The following ABCA10 variants were observed in gnomAD, a reference collection of about 807,000 sequenced individuals.
ABCA10 encodes ATP binding cassette subfamily A member 10.
ABCA10 carries 169 observed loss-of-function variants against 187.5 expected under a neutral mutation model. That is an observed-to-expected ratio of 0.90 (90% CI 0.80 to 1.02). ABCA10 has a LOEUF of 1.02. Ranked by LOEUF, ABCA10 falls within the 50% of genes least tolerant of loss-of-function variation. ABCA10 has a pLI of 0.00. For missense variants in ABCA10, 1,727 were observed against 1,812.4 expected (o/e 0.95, Z 0.86); for synonymous variants, 574 against 601.8 (o/e 0.95, Z 0.68).
rs184351236 is a variant in ABCA10, at chr17:69,150,053, A to G, written c.4408T>C (p.Leu1470=). ...TCCACAGGTAACTTATACGCCATTA[A>G]AGAGGAATATCTGTCAGGAAGAAGA... ...QAAWQERYSS[L]MAYKLPVEDV... is the part of the protein sequence containing the mutation. The change falls in exon 37 of 39, where the codon TTA becomes CTA. Residue 1470 remains leucine (L), a synonymous_variant. Transcript: ENST00000690296. The G allele has an allele frequency of 7.9e-5, 128 of 1,611,524 alleles. No homozygotes were observed. Among genetic ancestry groups the G allele is most frequent in the Non-Finnish European group, 9.3e-6 (11 of 1,178,294 alleles).
chr17:69,228,547 G>A (rs1168155407), intron 1 of ABCA10, 34 bp downstream of exon 1: 1 of 151,920 alleles, frequency 6.6e-6, no homozygotes, highest in Admixed American at 6.6e-5. Flanking sequence ...AAAACCTTAT[G>A]CAAAGTGAAA....
intron 1 of ABCA10, among the ~76,000 whole-genome samples, chr17:69,236,798 A>T (rs889662929): frequency 1.7e-4 from 25 of 143,408 alleles, no homozygotes; most frequent in African/African-American, 5.9e-4. Context: ...GTCTTGGGAG[A>T]GTGTGCTACT....
chr17:69,179,450 G>C (rs546933684), intron 22 of ABCA10, among the ~76,000 whole-genome samples: 28 of 152,300 alleles, frequency 1.8e-4, no homozygotes, highest in African/African-American at 6.3e-4. Context: ...ATTCAGCTCT[G>C]TGCAGGGTGA....
At chr17:69,213,349 T>C (rs997510633) in intron 9 of ABCA10, among the ~76,000 whole-genome samples, 2 of 147,894 alleles carry the variant, frequency 1.4e-5, no homozygotes, top group African/African-American at 5.0e-5. Flanking sequence ...GTTAGGCATG[T>C]CTGAGCTCAG....
rs772117276 is a variant in ABCA10, at chr17:69,215,840, A to G, written c.833T>C (p.Phe278Ser). Residue 278 changes from phenylalanine (F) to serine (S), a missense_variant, in exon 8 of 39, where the codon TTT (phenylalanine) becomes TCT (serine). Physicochemically the swap from Phe to Ser is radical, Grantham distance 155 (BLOSUM62 -2). Transcript: ENST00000690296. ...LGWVLSLLSP[F>S]AFTAGMAQIT... ...CTGGGCCATTCCAGCAGTGAAGGCA[A>G]AAGGGCTAAGAAGACTTAATACCCA... is the stretch of plus-strand genomic sequence containing the variant. 6.3e-7 allele frequency: 1 copy of G among 1,594,086 alleles called. No homozygotes were observed.
At chr17:69,195,617 T>C (rs897384451) in intron 11 of ABCA10, among the ~76,000 whole-genome samples, 4 of 133,978 alleles carry the variant, frequency 3.0e-5, no homozygotes, top group Non-Finnish European at 6.2e-5. Flanking sequence ...GAGGGGGATT[T>C]GGCAGGGTCA....
In ABCA10 at chr17:69,192,560, T is replaced by C. The variant is rs746916722; in HGVS notation, c.1871+3A>G. On this transcript the variant is annotated splice_donor_region_variant and intron_variant, in intron 16 of 38. Transcript: ENST00000690296. ...TAAAAATAACTACACCTAGAATACA[T>C]ACCTTAAATGATATCCAATACCCCA... The C allele has an allele frequency of 1.9e-6, 3 of 1,604,988 alleles. No individual in the cohort carries two copies. Among genetic ancestry groups the C allele is most frequent in the Admixed American group, 3.3e-5 (2 of 59,804 alleles).
Position 69,190,442 on chromosome 17 carries a change from C to T in ABCA10, c.2047G>A (p.Gly683Ser). 6.3e-7 allele frequency: 1 copy of T among 1,584,156 alleles called. No homozygotes were observed. Among genetic ancestry groups the T allele is most frequent in the Non-Finnish European group, 8.5e-7 (1 of 1,171,196 alleles). The change falls in exon 18 of 39, where the codon GGC becomes AGC. Residue 683 changes from glycine (G) to serine (S), a missense_variant. By Grantham distance (56) the Gly-to-Ser change is moderately conservative. Transcript: ENST00000690296. ...YSDLDKCSDQ[G>S]IRNYAVSVTS... The stretch of plus-strand genomic sequence containing the variant: ...ACTGAAACAGCATAATTCCTTATGC[C>T]CTGGTCAGAACACTTATCAAGGTCA...
intron 6 of ABCA10, among the ~76,000 whole-genome samples, chr17:69,219,343 A>G (rs771175036): frequency 6.8e-4 from 104 of 152,272 alleles, no homozygotes; most frequent in Middle Eastern, 6.8e-3. Context: ...TGTAATGATC[A>G]CATATTTTTC....
At position 69,153,831 on chromosome 17, in the gene ABCA10, C is replaced by T. The variant is rs72852601; in HGVS notation, c.3965G>A (p.Arg1322Gln). Residue 1322 changes from arginine (R) to glutamine (Q), a missense_variant and splice_region_variant, in exon 32 of 39, where the codon CGA becomes CAA. Physicochemically the swap from Arg to Gln is conservative, Grantham distance 43. Coordinates refer to ENST00000690296, the MANE Select transcript of ABCA10 (RefSeq NM_001377321.1). ...CAAATTGTGAGACTTCTCTCTGTAC[C>T]GTGAAATACTGAGAGCAGCATCTTC... is the stretch of plus-strand genomic sequence containing the variant. ...GKEDAALSIS[R>Q]LVEALKLQEQ... is the part of the protein sequence containing the mutation. 25,650 of 1,611,224 alleles carry T rather than the reference C, an allele frequency of 0.016. 241 individuals are homozygous for T. Among genetic ancestry groups the T allele is most frequent in the Non-Finnish European group, 0.019 (22,775 of 1,178,740 alleles).
intron 27 of ABCA10, among the ~76,000 whole-genome samples, chr17:69,157,397 G>T (rs929385592): frequency 6.6e-6 from 1 of 152,086 alleles, no homozygotes; most frequent in South Asian, 2.1e-4. Flanking sequence ...TCTAATAAAG[G>T]ATGGACCTCA....
At position 69,214,804 on chromosome 17, in the gene ABCA10, G is replaced by C; in HGVS notation, c.906C>G (p.Pro302=). 1 of 1,506,282 alleles carries C rather than the reference G, an allele frequency of 6.6e-7. No individual in the cohort carries two copies. Among genetic ancestry groups the C allele is most frequent in the Non-Finnish European group, 8.8e-7 (1 of 1,132,890 alleles). 93.3% of individuals were successfully genotyped at this position (1,506,282 alleles called of 1,614,324 possible). A position where few individuals can be genotyped will look rare whatever the true frequency, so the allele number is the denominator to read the frequency against. Residue 302 remains proline, a synonymous_variant, in exon 9 of 39, where the codon CCC becomes CCG. Transcript: ENST00000690296. ...CTATCATTTTGTATGAATCCCCAGA[G>C]GGATCAGGAAAAATAACACCACTTA... is the stretch of plus-strand genomic sequence containing the variant. ...NYLSGVIFPD[P]SGDSYKMIAT...
intron 10 of ABCA10, 75 bp downstream of exon 10, chr17:69,201,425 T>A (rs1598112088): frequency 7.9e-7 from 1 of 1,270,254 alleles, no homozygotes; most frequent in South Asian, 2.1e-5. Flanking sequence ...ATAATCTATA[T>A]CAACATTTGA....
chr17:69,217,172 C>T (rs2074712688), intron 6 of ABCA10, among the ~76,000 whole-genome samples: 1 of 151,452 alleles, frequency 6.6e-6, no homozygotes, highest in Admixed American at 6.6e-5. Context: ...ACTTGAACCC[C>T]AGAAGTGGAG....
At chr17:69,178,750 T>A (rs190160748) in intron 22 of ABCA10, among the ~76,000 whole-genome samples, 1 of 152,202 alleles carries the variant, frequency 6.6e-6, no homozygotes, top group African/African-American at 2.4e-5. Flanking sequence ...TGTTTGGTTA[T>A]GCATGAGTAA....
intron 20 of ABCA10, among the ~76,000 whole-genome samples, chr17:69,183,421 A>T (rs2074395511): frequency 6.6e-6 from 1 of 152,150 alleles, no homozygotes; most frequent in African/African-American, 2.4e-5. Context: ...ATCTGAATCA[A>T]CCACCCCCGC....
chr17:69,222,292 C>T lies in ABCA10; in HGVS notation c.199+241G>A, dbSNP rs553449023. ...GGCAGCGGTTCCAGTGAGCCAAGAT[C>T]GCGCCACTGCACTCCAGCCAGGGTG... On this transcript the variant is annotated intron_variant, in intron 4 of 38. Transcript: ENST00000690296. Among the ~76,000 whole-genome samples the T allele has an allele frequency of 2.3e-4, 34 of 150,114 alleles. No individual in the cohort carries two copies. The South Asian group carries it at 3.8e-3, about 17-fold the overall frequency.
chr17:69,193,355 C>G, intron 14 of ABCA10, 107 bp from the exon 15 acceptor site: 1 of 1,519,576 alleles, frequency 6.6e-7, no homozygotes, highest in Non-Finnish European at 8.8e-7. Context: ...AGTCCTCCAC[C>G]AGATCCCTAA....
intron 10 of ABCA10, among the ~76,000 whole-genome samples, chr17:69,199,786 A>G (rs147421091): frequency 7.9e-4 from 120 of 152,352 alleles, no homozygotes; most frequent in Middle Eastern, 3.4e-3. Context: ...TTTCGGCCTG[A>G]CAAAAGAGGA....
Sources: allele counts gnomAD v4.1 joint callset (sites outside exome capture counted in the v4.1 genomes callset), GRCh38; gene constraint gnomAD v4.1.1; transcripts MANE v1.5; gene names NCBI Gene and HGNC (gene_info 2026-07-23, HGNC 2026-07-21).